The following CSMD1 variants were observed in gnomAD, a reference collection of about 807,000 sequenced individuals.
The protein encoded by CSMD1 is CUB and sushi domain-containing protein 1.
CSMD1 carries 213 observed loss-of-function variants against 417.5 expected under a neutral mutation model. The observed-to-expected ratio is 0.51, with a 90% CI of 0.46 to 0.57. The LOEUF (loss-of-function observed/expected upper bound fraction) is 0.57, where lower values mean the gene tolerates loss of function less well. Among genes scored for constraint, CSMD1 ranks in the 20% least tolerant of loss-of-function variants. The pLI, the probability that CSMD1 is intolerant of heterozygous loss-of-function variation, is 0.00. For synonymous variants in CSMD1, 2,862 were observed against 1,736.8 expected, an observed-to-expected ratio of 1.65 and a Z score of -16.11; for missense variants, 6,923 against 4,529.7, an observed-to-expected ratio of 1.53 and a Z score of -15.17.
intron 4 of CSMD1, among the ~76,000 whole-genome samples, chr8:4,029,421 C>G (rs76217681): frequency 2.6e-5 from 4 of 152,266 alleles, no homozygotes; most frequent in East Asian, 3.9e-4. Context: ...GAGGACCTAG[C>G]CACGTCTTAT....
chr8:3,902,770 G>C (rs59005719), intron 5 of CSMD1, among the ~76,000 whole-genome samples: 3,081 of 152,116 alleles, frequency 0.02, 102 homozygotes, highest in African/African-American at 0.07. Context: ...GTATCAAATA[G>C]AGTAGAGCTG....
At chr8:3,940,700 T>A (rs928667439) in intron 5 of CSMD1, among the ~76,000 whole-genome samples, 1 of 152,048 alleles carries the variant, frequency 6.6e-6, no homozygotes, top group Non-Finnish European at 1.5e-5. Context: ...CATTGCTTTT[T>A]ATAATACAAA....
Position 4,341,384 on chromosome 8 carries a change from G to A in CSMD1, c.415+78569C>T, listed in dbSNP as rs377084302. ...ATTCACTATCGCAGGAAATAATTTA[G>A]TACTGAAGAAAGCCTTGAACTCAAA... On this transcript the variant is annotated intron_variant, in intron 3 of 69. Coordinates refer to ENST00000635120, the MANE Select transcript of CSMD1 (RefSeq NM_033225.6). Among the ~76,000 whole-genome samples the A allele has an allele frequency of 1.5e-4, 23 of 152,204 alleles. No homozygotes were observed. The South Asian group carries it at 4.8e-3, about 32-fold the overall frequency.
At chr8:3,579,765 G>C (rs1800302643) in intron 9 of CSMD1, among the ~76,000 whole-genome samples, 1 of 152,118 alleles carries the variant, frequency 6.6e-6, no homozygotes. Context: ...ATTGCTCTAA[G>C]GATTGAATAA....
intron 1 of CSMD1, among the ~76,000 whole-genome samples, chr8:4,644,348 T>C (rs2130876336): frequency 6.6e-6 from 1 of 152,280 alleles, no homozygotes; most frequent in African/African-American, 2.4e-5. Flanking sequence ...CAATGCAGTA[T>C]ACTCTTTCCA....
In CSMD1 at chr8:4,568,851, T is replaced by C. The variant is rs146854172; in HGVS notation, c.302+68491A>G. Among the ~76,000 whole-genome samples the C allele has an allele frequency of 5.2e-3, 786 of 152,332 alleles. 7 individuals are homozygous for C. The highest frequency in any genetic ancestry group is 0.018 in the African/African-American group (756 of 41,590). On this transcript the variant is annotated intron_variant, in intron 2 of 69. Transcript: ENST00000635120. ...GATGGTATCTCATAGTGGTTTTGAT[T>C]TGCATTTCTCTAATGACTAGTGATG... is the stretch of plus-strand genomic sequence containing the variant.
intron 21 of CSMD1, among the ~76,000 whole-genome samples, chr8:3,350,541 T>A (rs1398777341): frequency 6.6e-6 from 1 of 152,186 alleles, no homozygotes; most frequent in Non-Finnish European, 1.5e-5. Context: ...CACTTACATG[T>A]ACTTTAAAAT....
chr8:3,688,340 T>G (rs73658207), intron 7 of CSMD1, among the ~76,000 whole-genome samples: 1 of 152,168 alleles, frequency 6.6e-6, no homozygotes, highest in Non-Finnish European at 1.5e-5. Context: ...CAAATGCCAG[T>G]AGAAAGTTTA....
At chr8:3,339,681 C>G (rs952381152) in intron 23 of CSMD1, among the ~76,000 whole-genome samples, 1 of 152,228 alleles carries the variant, frequency 6.6e-6, no homozygotes, top group Non-Finnish European at 1.5e-5. Context: ...TTGCCTGATA[C>G]AGCTCTGTGG....
intron 3 of CSMD1, among the ~76,000 whole-genome samples, chr8:4,044,734 C>CACCCTGGGCATGTACA (rs1554525723): frequency 3.2e-4 from 48 of 151,004 alleles, no homozygotes; most frequent in African/African-American, 7.3e-4. Context: ...GGACACGTAC[C>CACCCTGGGCATGTACA]ACCCTGGGCA....
At chr8:4,287,106 A>T (rs1797103572) in intron 3 of CSMD1, among the ~76,000 whole-genome samples, 1 of 152,194 alleles carries the variant, frequency 6.6e-6, no homozygotes, top group Non-Finnish European at 1.5e-5. Flanking sequence ...CTTCACACAA[A>T]ACAAACAAGG....
chr8:2,956,471 ATTTT>A (rs995365160), intron 63 of CSMD1, among the ~76,000 whole-genome samples: 34 of 151,690 alleles, frequency 2.2e-4, no homozygotes, highest in Admixed American at 6.6e-4. Flanking sequence ...TTTTTTATTT[ATTTT>A]TTGAGTCTCG....
chr8:3,645,196 C>T (rs1332027471), intron 7 of CSMD1, among the ~76,000 whole-genome samples: 1 of 152,068 alleles, frequency 6.6e-6, no homozygotes, highest in East Asian at 1.9e-4. Flanking sequence ...AGTCCTGGGC[C>T]ATGCAAGAAA....
intron 1 of CSMD1, among the ~76,000 whole-genome samples, chr8:4,754,547 T>C (rs1459074686): frequency 6.6e-6 from 1 of 151,734 alleles, no homozygotes; most frequent in African/African-American, 2.4e-5. Context: ...ACACTTTGTT[T>C]TTTTTTTTTT....
intron 3 of CSMD1, among the ~76,000 whole-genome samples, chr8:4,220,731 G>A (rs993034651): frequency 2.6e-5 from 4 of 152,220 alleles, no homozygotes; most frequent in Non-Finnish European, 5.9e-5. Flanking sequence ...TTCACTAGCT[G>A]GGATGAGAAA....
intron 5 of CSMD1, among the ~76,000 whole-genome samples, chr8:3,812,980 G>A (rs181883386): frequency 6.6e-6 from 1 of 152,048 alleles, no homozygotes; most frequent in African/African-American, 2.4e-5. Flanking sequence ...CAATTTCTTG[G>A]GAGGAAATCT....
chr8:4,376,735 C>T (rs1339268966), intron 3 of CSMD1, among the ~76,000 whole-genome samples: 1 of 152,196 alleles, frequency 6.6e-6, no homozygotes, highest in African/African-American at 2.4e-5. Context: ...ACTTGCACTG[C>T]TTTATTCACC....
At chr8:3,286,460 C>T (rs908146498) in intron 25 of CSMD1, among the ~76,000 whole-genome samples, 9 of 152,222 alleles carry the variant, frequency 5.9e-5, no homozygotes, top group Non-Finnish European at 8.8e-5. Context: ...GAAAGTGTTC[C>T]TATTTCTCCA....
intron 1 of CSMD1, among the ~76,000 whole-genome samples, chr8:4,715,031 AT>A (rs1413398567): frequency 6.6e-6 from 1 of 152,094 alleles, no homozygotes. Context: ...CATTTCAAGC[AT>A]TTTTTTATGT....
Sources: gnomAD v4.1 joint callset for allele counts (sites outside exome capture counted in the v4.1 genomes callset) on GRCh38, gnomAD v4.1.1 for gene constraint, MANE v1.5 for transcripts, NCBI Gene and HGNC (gene_info 2026-07-23, HGNC 2026-07-21) for gene names.